Variants in ERC1 observed in about 807,000 individuals in gnomAD.
ERC1 encodes RAB6 interacting protein 2.
In ERC1, 56 loss-of-function variants were observed where a neutral mutation model predicts 132.0. The ratio of observed to expected loss-of-function variants is 0.42; its 90% CI spans 0.34 to 0.53. The LOEUF (loss-of-function observed/expected upper bound fraction) is 0.53, where lower values mean the gene tolerates loss of function less well. Ranked by LOEUF, ERC1 falls within the 20% of genes least tolerant of loss-of-function variation. The pLI is 0.03. For synonymous variants in ERC1, 478 were observed against 476.1 expected, an observed-to-expected ratio of 1.00 and a Z score of -0.05; for missense variants, 1,202 against 1,349.9, an observed-to-expected ratio of 0.89 and a Z score of 1.72.
Position 1,263,093 on chromosome 12 carries a change from T to C in ERC1, c.2547T>C (p.Ser849=), listed in dbSNP as rs763409186. 1.2e-6 allele frequency: 2 copies of C among 1,614,002 alleles called. No homozygotes were observed. Among genetic ancestry groups the C allele is most frequent in the Non-Finnish European group, 1.7e-6 (2 of 1,179,928 alleles). Residue 849 remains serine, a synonymous_variant, in exon 14 of 19, where the codon AGT becomes AGC. Transcript: ENST00000360905. ...IEELEEALRE[S]VQITAEREMV... is the part of the protein sequence containing the mutation. ...AGCTGGAAGAAGCACTAAGAGAAAG[T>C]GTACAGATAACTGCAGAGCGGGAAA...
chr12:1,236,974 T>G (rs2075458717), intron 13 of ERC1, 70 bp downstream of exon 13: 2 of 1,561,824 alleles, frequency 1.3e-6, no homozygotes, highest in African/African-American at 2.7e-5. Flanking sequence ...GTTGTTTTTC[T>G]CTTCATCTTT....
chr12:1,424,015 T>C (rs1319200896), intron 17 of ERC1, among the ~76,000 whole-genome samples: 2 of 152,084 alleles, frequency 1.3e-5, no homozygotes, highest in Non-Finnish European at 2.9e-5. Context: ...CCAGATAATA[T>C]GGTTTCGTGT....
Position 1,440,686 on chromosome 12 carries a change from C to T in ERC1, c.3025-3876C>T, listed in dbSNP as rs560752472. On this transcript the variant is annotated intron_variant, in intron 17 of 18. Transcript: ENST00000360905. Reference sequence around the variant, plus strand: ...TGTGTGTGATGGAGTCTCACTCTGTCGCCCAGGCTGGAGTGCAGTGGTGTG... The same window carrying T: ...TGTGTGTGATGGAGTCTCACTCTGTTGCCCAGGCTGGAGTGCAGTGGTGTG... Among the ~76,000 whole-genome samples the T allele has an allele frequency of 7.6e-5, 11 of 144,262 alleles. No homozygotes were observed. In the South Asian group the frequency reaches 1.1e-3, roughly 14 times the overall value. 94.6% of individuals were successfully genotyped at this position (144,262 alleles called of 152,430 possible).
At chr12:1,436,903 T>G (rs144587222) in intron 17 of ERC1, among the ~76,000 whole-genome samples, 1 of 152,142 alleles carries the variant, frequency 6.6e-6, no homozygotes, top group Non-Finnish European at 1.5e-5. Flanking sequence ...GCCTAGATTT[T>G]TGCCCCTAAT....
chr12:1,172,184 C>T (rs1953136138), intron 8 of ERC1, among the ~76,000 whole-genome samples: 2 of 152,072 alleles, frequency 1.3e-5, no homozygotes, highest in Non-Finnish European at 2.9e-5. Context: ...ATGTTTCTTC[C>T]TTGGGCTGGG....
chr12:1,220,426 T>C (rs1368659689), intron 12 of ERC1, among the ~76,000 whole-genome samples: 1 of 152,218 alleles, frequency 6.6e-6, no homozygotes, highest in African/African-American at 2.4e-5. Flanking sequence ...TCTGAAAAAG[T>C]TGACAGTTGA....
chr12:1,212,880 T>A (rs1251553920), intron 12 of ERC1, among the ~76,000 whole-genome samples: 1 of 152,188 alleles, frequency 6.6e-6, no homozygotes, highest in Non-Finnish European at 1.5e-5. Context: ...TTCTCAAAAT[T>A]GTATCCTCAG....
At chr12:1,084,044 A>T (rs1381408576) in intron 3 of ERC1, among the ~76,000 whole-genome samples, 1 of 152,206 alleles carries the variant, frequency 6.6e-6, no homozygotes, top group Non-Finnish European at 1.5e-5. Context: ...TGTGGTTTCC[A>T]TGGAAACTGT....
intron 12 of ERC1, among the ~76,000 whole-genome samples, chr12:1,195,578 C>G (rs1956142340): frequency 6.6e-6 from 1 of 152,176 alleles, no homozygotes; most frequent in African/African-American, 2.4e-5. Flanking sequence ...ATAAGACAGA[C>G]TTGCAAGAAG....
chr12:1,464,164 A>C (rs886672984), intron 18 of ERC1, among the ~76,000 whole-genome samples: 11 of 152,226 alleles, frequency 7.2e-5, no homozygotes, highest in African/African-American at 2.7e-4. Context: ...CTCCTCATGG[A>C]GTTTTGGTGT....
chr12:1,438,419 G>T (rs903789487), intron 17 of ERC1, among the ~76,000 whole-genome samples: 4 of 152,158 alleles, frequency 2.6e-5, no homozygotes, highest in Non-Finnish European at 4.4e-5. Flanking sequence ...TATGTTGAGA[G>T]ACAGCAGTAC....
intron 8 of ERC1, chr12:1,152,395 T>A (rs1213282424): frequency 3.3e-5 from 5 of 152,262 alleles, no homozygotes; most frequent in African/African-American, 4.8e-5. Context: ...CATGCTTGAT[T>A]TTCATGTGAT....
At chr12:1,182,099 C>T in intron 10 of ERC1, 34 bp downstream of exon 10, 1 of 1,603,564 alleles carries the variant, frequency 6.2e-7, no homozygotes. Context: ...AGTTTGTTTG[C>T]TTAATCATTG....
intron 13 of ERC1, among the ~76,000 whole-genome samples, chr12:1,253,870 G>A (rs2076621553): frequency 6.6e-6 from 1 of 152,146 alleles, no homozygotes; most frequent in Non-Finnish European, 1.5e-5. Flanking sequence ...CCCAACTTCT[G>A]CCCTAGTCTC....
At chr12:1,324,154 G>A (rs2082296609) in intron 15 of ERC1, among the ~76,000 whole-genome samples, 1 of 152,236 alleles carries the variant, frequency 6.6e-6, no homozygotes, top group Non-Finnish European at 1.5e-5. Context: ...CAATGAGCAA[G>A]TGAATATAGT....
chr12:1,093,124 TTAG>T (rs1484408742), intron 3 of ERC1, among the ~76,000 whole-genome samples: 2 of 152,050 alleles, frequency 1.3e-5, no homozygotes, highest in African/African-American at 4.8e-5. Context: ...TTTGTAGCTA[TTAG>T]TAGTAACATT....
At chr12:1,109,517 G>C (rs1945623222) in intron 4 of ERC1, among the ~76,000 whole-genome samples, 1 of 152,020 alleles carries the variant, frequency 6.6e-6, no homozygotes, top group South Asian at 2.1e-4. Flanking sequence ...TAAAATACTA[G>C]AACTAGAAAA....
chr12:1,223,365 G>C (rs1017387377), intron 12 of ERC1, among the ~76,000 whole-genome samples: 1 of 152,166 alleles, frequency 6.6e-6, no homozygotes, highest in African/African-American at 2.4e-5. Flanking sequence ...AGCCTGCCTG[G>C]CATAGTCTGC....
At chr12:998,168 C>T (rs58568292) in intron 1 of ERC1, among the ~76,000 whole-genome samples, 14,174 of 152,238 alleles carry the variant, frequency 0.093, 1,027 homozygotes, top group African/African-American at 0.2. Context: ...GCCATTATTT[C>T]AGTGAAACTG....
Sources: gnomAD v4.1 joint callset for allele counts (sites outside exome capture counted in the v4.1 genomes callset) on GRCh38, gnomAD v4.1.1 for gene constraint, MANE v1.5 for transcripts, NCBI Gene and HGNC (gene_info 2026-07-23, HGNC 2026-07-21) for gene names.